LHX8: variants seen among roughly 807,000 people sequenced by gnomAD.
The protein encoded by LHX8 is LIM/homeobox protein Lhx8.
LHX8 carries 12 observed loss-of-function variants against 40.3 expected under a neutral mutation model. That is an observed-to-expected ratio of 0.30 (90% CI 0.19 to 0.48). The LOEUF is 0.48. LHX8 is among the 20% of genes least tolerant of loss of function. The pLI, the probability that LHX8 is intolerant of heterozygous loss-of-function variation, is 0.99. For synonymous variants in LHX8, 179 were observed against 162.0 expected, an observed-to-expected ratio of 1.10 and a Z score of -0.80; for missense variants, 344 against 433.7, an observed-to-expected ratio of 0.79 and a Z score of 1.84.
intron 3 of LHX8, 114 bp downstream of exon 3, chr1:75,137,375 T>G (rs1250633372): frequency 2.9e-6 from 3 of 1,043,452 alleles, no homozygotes; most frequent in Admixed American, 4.2e-5. Context: ...GGGTGAAGGT[T>G]GTAGGCTTTT....
the LHX8 span, among the ~76,000 whole-genome samples, chr1:75,178,313 T>C: frequency 2.3e-3 from 355 of 152,320 alleles, 3 homozygotes; most frequent in South Asian, 0.023. Context: ...TGGACTTTTT[T>C]TGTTGGTAGG....
At chr1:75,161,667 T>G (rs1648922496), downstream of LHX8, 1 of 112,574 alleles carries the variant, frequency 8.9e-6, no homozygotes, top group South Asian at 2.6e-4. Flanking sequence ...AAACATATTA[T>G]TCAAAAAAAA....
chr1:75,182,382 T>C, the LHX8 span, among the ~76,000 whole-genome samples: 1 of 148,758 alleles, frequency 6.7e-6, no homozygotes, highest in African/African-American at 2.5e-5. Flanking sequence ...TTTTTTTTTT[T>C]TTTTTTTTGA....
At position 75,161,258 on chromosome 1, in the gene LHX8, CA is replaced by C. The variant is rs1195213549; in HGVS notation, c.*364del. 8.4e-5 allele frequency: 19 copies of C among 225,152 alleles called. No homozygotes were observed. The highest frequency in any genetic ancestry group is 4.3e-4 in the Admixed American group (8 of 18,822). 13.9% of individuals were successfully genotyped at this position (225,152 alleles called of 1,614,324 possible). On this transcript the variant is annotated 3_prime_UTR_variant, in exon 9 of 9. Coordinates refer to ENST00000356261, the MANE Select transcript of LHX8 (RefSeq NM_001256114.2). ...AATCTTTTGTGAAATTGTAGTTTAT[CA>C]TTAGTTTGTATCTGTAAGTTATTGT...
chr1:75,143,204 T>G lies in LHX8; in HGVS notation c.446T>G (p.Leu149Trp). The change falls in exon 5 of 9, where the codon TTG becomes TGG. Residue 149 changes from leucine to tryptophan, a missense_variant. Physicochemically the swap from Leu to Trp is moderately conservative, Grantham distance 61. This residue lies in a region of LHX8 where 147 missense variants were observed against 250.8 expected (regional missense o/e 0.59). Transcript: ENST00000356261. ...AGAGCCAAGGGGAATGTCTATCACT[T>G]GGCATGCTTTGCCTGCTTTTCCTGC... The part of the protein sequence containing the change: ...VRRAKGNVYH[L>W]ACFACFSCKR... 1 of 1,613,872 alleles carries G rather than the reference T, an allele frequency of 6.2e-7. No individual in the cohort carries two copies. Among genetic ancestry groups the G allele is most frequent in the South Asian group, 1.1e-5 (1 of 91,076 alleles).
chr1:75,178,607 C>G, the LHX8 span, among the ~76,000 whole-genome samples: 13 of 151,912 alleles, frequency 8.6e-5, no homozygotes, highest in African/African-American at 3.1e-4. Flanking sequence ...ATTTGTTGAT[C>G]TTTTCAAAAA....
chr1:75,176,182 T>A, the LHX8 span, among the ~76,000 whole-genome samples: 1 of 152,214 alleles, frequency 6.6e-6, no homozygotes, highest in African/African-American at 2.4e-5. Flanking sequence ...TTTGGGTATA[T>A]ACCCAGTAAT....
the LHX8 span, chr1:75,182,970 A>C: frequency 2.0e-5 from 3 of 151,878 alleles, no homozygotes; most frequent in Admixed American, 2.0e-4. Context: ...TTAGCTGTTC[A>C]CTCCTCTTTC....
the LHX8 span, among the ~76,000 whole-genome samples, chr1:75,171,547 T>C: frequency 2.6e-5 from 4 of 152,124 alleles, no homozygotes; most frequent in African/African-American, 7.2e-5. Context: ...TGTTCTCACA[T>C]GAGAATCACT....
In LHX8 at chr1:75,148,702, T is replaced by C. The variant is rs766407670; in HGVS notation, c.780+20T>C. 5.1e-6 allele frequency: 8 copies of C among 1,583,810 alleles called. No homozygotes were observed. In the East Asian group the frequency reaches 1.8e-4, roughly 36 times the overall value. Reference sequence around the variant, plus strand: ...ATACAGGTGATTACTTTACTTTTTTTTTTTTTTAAGGTTTTTAAAAAATAG... The same window carrying C: ...ATACAGGTGATTACTTTACTTTTTTCTTTTTTTAAGGTTTTTAAAAAATAG... On this transcript the variant is annotated intron_variant, in intron 7 of 8. Coordinates refer to ENST00000356261, the MANE Select transcript of LHX8 (RefSeq NM_001256114.2).
the LHX8 span, among the ~76,000 whole-genome samples, chr1:75,198,387 C>A: frequency 9.9e-5 from 15 of 152,116 alleles, no homozygotes. Context: ...AAGAGAATAT[C>A]ACTGTTAATG....
the LHX8 span, among the ~76,000 whole-genome samples, chr1:75,170,484 T>C: frequency 1.3e-5 from 2 of 152,330 alleles, no homozygotes; most frequent in East Asian, 3.9e-4. Context: ...TATTATTTAA[T>C]TGTTAAGAGA....
chr1:75,180,513 G>C, the LHX8 span, among the ~76,000 whole-genome samples: 2 of 152,096 alleles, frequency 1.3e-5, no homozygotes, highest in Admixed American at 1.3e-4. Context: ...GTGTCACGTA[G>C]TTCTCATGCC....
chr1:75,180,071 A>T, the LHX8 span, among the ~76,000 whole-genome samples: 1 of 152,154 alleles, frequency 6.6e-6, no homozygotes, highest in Admixed American at 6.5e-5. Flanking sequence ...TGTTAGTCTG[A>T]TAGCCTTCCC....
At chr1:75,141,407 A>G (rs778197931) in intron 4 of LHX8, among the ~76,000 whole-genome samples, 3 of 152,174 alleles carry the variant, frequency 2.0e-5, no homozygotes, top group Non-Finnish European at 4.4e-5. Flanking sequence ...ATAAAGTATG[A>G]AAAACAAGAT....
downstream of LHX8, among the ~76,000 whole-genome samples, chr1:75,163,928 A>G (rs1171056955): frequency 6.6e-6 from 1 of 152,166 alleles, no homozygotes; most frequent in African/African-American, 2.4e-5. Context: ...GTGAAGACAC[A>G]CAGGTGCCAT....
intron 8 of LHX8, among the ~76,000 whole-genome samples, chr1:75,157,438 TA>T (rs1381387203): frequency 3.9e-5 from 6 of 152,232 alleles, no homozygotes; most frequent in Non-Finnish European, 7.3e-5. Flanking sequence ...TAAGTTTTGT[TA>T]AAGAGTTGTT....
rs147581089 is a variant in LHX8, at chr1:75,138,371, G to C, written c.237+1110G>C. On this transcript the variant is annotated intron_variant, in intron 3 of 8. Coordinates refer to ENST00000356261, the MANE Select transcript of LHX8 (RefSeq NM_001256114.2). ...TTAAGTTTCTACCTCAACATACAAAGCTTCTTCATCTGTAAAATGGGAATG... is the reference window on the plus strand; with the variant it reads ...TTAAGTTTCTACCTCAACATACAAACCTTCTTCATCTGTAAAATGGGAATG... Among the ~76,000 whole-genome samples the C allele has an allele frequency of 2.5e-3, 374 of 152,198 alleles. 1 individual carries two copies. Among genetic ancestry groups the C allele is most frequent in the African/African-American group, 8.2e-3 (339 of 41,522 alleles).
the LHX8 span, among the ~76,000 whole-genome samples, chr1:75,179,797 C>T: frequency 2.8e-4 from 43 of 152,254 alleles, no homozygotes; most frequent in Non-Finnish European, 5.3e-4. Flanking sequence ...ATGGTCTTTA[C>T]AATTTGGCCT....
Sources: allele counts gnomAD v4.1 joint callset (sites outside exome capture counted in the v4.1 genomes callset), GRCh38; gene constraint gnomAD v4.1.1; regional missense constraint gnomAD v4.1.1; transcripts MANE v1.5; gene names NCBI Gene and HGNC (gene_info 2026-07-23, HGNC 2026-07-21).